GANAB: variants seen among roughly 807,000 people sequenced by gnomAD.
The protein encoded by GANAB is neutral alpha-glucosidase AB.
GANAB carries 35 observed loss-of-function variants against 129.9 expected under a neutral mutation model. That is an observed-to-expected ratio of 0.27 (90% CI 0.21 to 0.36). The LOEUF (loss-of-function observed/expected upper bound fraction) is 0.36. Among genes scored for constraint, GANAB ranks in the 10% least tolerant of loss-of-function variants. The pLI is 1.00. For missense variants in GANAB, 939 were observed against 1,221.0 expected, an observed-to-expected ratio of 0.77 and a Z score of 3.44; for synonymous variants, 482 against 451.8, an observed-to-expected ratio of 1.07 and a Z score of -0.85.
chr11:62,642,104 C>T (rs1400091533), intron 1 of GANAB, among the ~76,000 whole-genome samples: 2 of 151,996 alleles, frequency 1.3e-5, no homozygotes, highest in Non-Finnish European at 2.9e-5. Flanking sequence ...CCCAGCTATT[C>T]AGGAGGCTGA....
intron 17 of GANAB, among the ~76,000 whole-genome samples, chr11:62,628,197 T>C (rs1212974720): frequency 7.0e-6 from 1 of 143,040 alleles, no homozygotes; most frequent in Non-Finnish European, 1.5e-5. Context: ...ACAGCCTTCT[T>C]CTCAAAACTT....
At chr11:62,626,535 C>CAAAT (rs755723404) in intron 21 of GANAB, 36 bp downstream of exon 21, 2 of 1,523,028 alleles carry the variant, frequency 1.3e-6, no homozygotes, top group Non-Finnish European at 9.1e-7. Flanking sequence ...GGAAGGCAGG[C>CAAAT]AAATGGCTGA....
chr11:62,626,346 G>T lies in GANAB; in HGVS notation c.2613C>A (p.Thr871=). Residue 871 remains threonine, a synonymous_variant, in exon 22 of 24, where the codon ACC becomes ACA. Coordinates refer to ENST00000356638, the MANE Select transcript of GANAB (RefSeq NM_198334.3). The part of the protein sequence containing the change: ...LLRRFSFSGN[T]LVSSSADPEG... ...GGGTGACCCATTACCTGGAGACAAG[G>T]GTGTTGCCAGAGAATGAGAATCGAC... The T allele has an allele frequency of 6.2e-7, 1 of 1,605,740 alleles. No individual in the cohort carries two copies. Among genetic ancestry groups the T allele is most frequent in the Non-Finnish European group, 8.5e-7 (1 of 1,172,354 alleles).
chr11:62,641,417 C>G (rs1245766062), intron 1 of GANAB, among the ~76,000 whole-genome samples: 1 of 151,592 alleles, frequency 6.6e-6, no homozygotes, highest in Non-Finnish European at 1.5e-5. Flanking sequence ...ATCCCTAGCA[C>G]CCTAGGCAGC....
chr11:62,645,770 GT>G (rs1427373004), intron 1 of GANAB, among the ~76,000 whole-genome samples: 2 of 152,186 alleles, frequency 1.3e-5, no homozygotes, highest in East Asian at 3.9e-4. Context: ...CGCATTTATT[GT>G]TTCAGATCAC....
chr11:62,628,666 A>G, intron 17 of GANAB, 103 bp downstream of exon 17: 1 of 1,185,282 alleles, frequency 8.4e-7, no homozygotes, highest in Non-Finnish European at 1.2e-6. Flanking sequence ...TCCATCCTTT[A>G]CAAGGCTGTA....
intron 20 of GANAB, 71 bp downstream of exon 20, chr11:62,626,789 A>C: frequency 7.4e-7 from 1 of 1,344,796 alleles, no homozygotes; most frequent in Non-Finnish European, 1.1e-6. Context: ...CTGGACCCTA[A>C]GGCACACATT....
At chr11:62,626,716 C>T in intron 20 of GANAB, 32 bp from the exon 21 acceptor site, 3 of 1,467,934 alleles carry the variant, frequency 2.0e-6, no homozygotes, top group Non-Finnish European at 1.9e-6. Flanking sequence ...GATGAAGTTG[C>T]CCCCTTGTCC....
In GANAB at chr11:62,639,152, T is replaced by C. The variant is rs575844238; in HGVS notation, c.253-42A>G. On this transcript the variant is annotated intron_variant, in intron 3 of 23. Transcript: ENST00000356638. ...TTGGATCTGGAGAAAGGAAATGGGA[T>C]ACACCATGGAATGCTCTTTGAACCC... 2.5e-5 allele frequency: 40 copies of C among 1,609,454 alleles called. 1 individual carries two copies. The South Asian group carries it at 4.1e-4, about 16-fold the overall frequency.
chr11:62,634,391 A>G (rs760978458), intron 5 of GANAB: 2 of 1,572,052 alleles, frequency 1.3e-6, no homozygotes, highest in Non-Finnish European at 1.8e-6. Context: ...GCAGGAGGAG[A>G]TGGGTAGGGA....
intron 1 of GANAB, 52 bp from the exon 2 acceptor site, chr11:62,639,783 C>T (rs1278621991): frequency 8.3e-7 from 1 of 1,207,794 alleles, no homozygotes; most frequent in Non-Finnish European, 1.2e-6. Context: ...TCAGAAGGGG[C>T]CCCCTTCAAA....
At chr11:62,645,165 A>AGT (rs1318991156) in intron 1 of GANAB, among the ~76,000 whole-genome samples, 2 of 152,148 alleles carry the variant, frequency 1.3e-5, no homozygotes, top group African/African-American at 4.8e-5. Context: ...TCCTGCAGTG[A>AGT]GTGACCTGAG....
At chr11:62,638,289 G>C (rs1033958903) in intron 4 of GANAB, among the ~76,000 whole-genome samples, 1 of 152,128 alleles carries the variant, frequency 6.6e-6, no homozygotes, top group Non-Finnish European at 1.5e-5. Flanking sequence ...GAGTAGCTGG[G>C]ATTACAGGTC....
In GANAB at chr11:62,646,436, G is replaced by A. The variant is rs369834498; in HGVS notation, c.38+126C>T. ...CCGGAGGCGTCTGAGGCCGCCTCCA[G>A]AGGAACAAAGGTTCCTCACGAGGCC... On this transcript the variant is annotated intron_variant, in intron 1 of 23. Transcript: ENST00000356638. The A allele has an allele frequency of 1.4e-5, 16 of 1,124,246 alleles. No homozygotes were observed. In the African/African-American group the frequency reaches 1.9e-4, roughly 13 times the overall value. 69.6% of individuals were successfully genotyped at this position (1,124,246 alleles called of 1,614,324 possible).
rs556345168 is a variant in GANAB at position 62,630,415 on chromosome 11, G to A, written c.1477C>T (p.Arg493Trp). The A allele has an allele frequency of 4.3e-6, 7 of 1,614,160 alleles. No homozygotes were observed. Among genetic ancestry groups the A allele is most frequent in the East Asian group, 2.2e-5 (1 of 44,890 alleles). Residue 493 changes from arginine to tryptophan, a missense_variant, in exon 12 of 24, where the codon CGG becomes TGG. Around this residue, in one of 5 missense-constraint regions of GANAB, gnomAD observed 220 missense variants for 295.9 expected, o/e 0.74. Transcript: ENST00000356638. ...LRNLGLYVKT[R>W]DGSDYEGWCW... ...CAGCCCTCATAGTCAGAGCCATCCC[G>A]GGTTTTAACATACAGCCCCAGGTTC...
chr11:62,631,271 TC>T, intron 9 of GANAB, 88 bp from the exon 10 acceptor site: 1 of 1,273,012 alleles, frequency 7.9e-7, no homozygotes, highest in Non-Finnish European at 1.1e-6. Flanking sequence ...TCTCCCAGAG[TC>T]CACACAGAGC....
intron 21 of GANAB, 59 bp downstream of exon 21, chr11:62,626,512 G>C (rs1440410366): frequency 6.7e-7 from 1 of 1,501,518 alleles, no homozygotes; most frequent in African/African-American, 1.4e-5. Flanking sequence ...CAACCCCAGA[G>C]AACTGAGTCC....
Position 62,630,184 on chromosome 11 carries a change from A to G in GANAB, c.1593+13T>C, listed in dbSNP as rs1447331815. 6.3e-7 allele frequency: 1 copy of G among 1,588,178 alleles called. No homozygotes were observed. Reference sequence around the variant, plus strand: ...ACAGACAGACGCAGGTCATGGGGAGAGGCCTTCCCTACCTCATAATTGTCA... The same window carrying G: ...ACAGACAGACGCAGGTCATGGGGAGGGGCCTTCCCTACCTCATAATTGTCA... On this transcript the variant is annotated intron_variant, in intron 13 of 23. Coordinates refer to ENST00000356638, the MANE Select transcript of GANAB (RefSeq NM_198334.3).
rs1009924321 is a variant in GANAB at position 62,639,660 on chromosome 11, T to G, written c.110A>C (p.Asn37Thr). The G allele has an allele frequency of 6.2e-7, 1 of 1,613,766 alleles. No homozygotes were observed. Among genetic ancestry groups the G allele is most frequent in the Admixed American group, 1.7e-5 (1 of 60,002 alleles). ...LGITLAVDRS[N>T]FKTCEESSFC... ...AGAACTCTCTTCACAGGTCTTAAAG[T>G]TGCTTCTATCCACAGCAAGGGTAAT... The change falls in exon 2 of 24, where the codon AAC becomes ACC. Residue 37 changes from asparagine (N) to threonine (T), a missense_variant. This residue lies in a region of GANAB where 321 missense variants were observed against 329.1 expected (regional missense o/e 0.98). Coordinates refer to ENST00000356638, the MANE Select transcript of GANAB (RefSeq NM_198334.3).
Sources: allele counts gnomAD v4.1 joint callset (sites outside exome capture counted in the v4.1 genomes callset), GRCh38; gene constraint gnomAD v4.1.1; regional missense constraint gnomAD v4.1.1; transcripts MANE v1.5; gene names NCBI Gene and HGNC (gene_info 2026-07-23, HGNC 2026-07-21).